Variants in PPFIA2 observed in about 807,000 individuals in gnomAD.
PPFIA2 encodes the protein liprin-alpha-2.
In PPFIA2, 46 loss-of-function variants were observed where a neutral mutation model predicts 175.5. That is an observed-to-expected ratio of 0.26 (90% CI 0.21 to 0.34). The LOEUF (loss-of-function observed/expected upper bound fraction) is 0.34. Among genes scored for constraint, PPFIA2 ranks in the 10% least tolerant of loss-of-function variants. PPFIA2 has a pLI of 1.00. For synonymous variants in PPFIA2, 568 were observed against 511.4 expected (o/e 1.11, Z -1.49); for missense variants, 1,179 against 1,506.1 (o/e 0.78, Z 3.60).
chr12:81,271,302 C>G (rs926676903), intron 28 of PPFIA2, among the ~76,000 whole-genome samples: 1 of 152,186 alleles, frequency 6.6e-6, no homozygotes. Context: ...CTCAGTCTCA[C>G]TCTTGTTGCC....
rs201537242 is a variant in PPFIA2 at position 81,570,701 on chromosome 12, T to TA, written c.303+106089dup. On this transcript the variant is annotated intron_variant, in intron 4 of 32. Coordinates refer to ENST00000549396, the MANE Select transcript of PPFIA2 (RefSeq NM_003625.5). ...TTTAAAAAATAATTTTATAATTACA[T>TA]AAAAATATAATATTTTATAATATAT... 8.1e-3 allele frequency among the ~76,000 whole-genome samples: 1,206 copies of TA among 148,772 alleles called. 20 individuals carry two copies. Among genetic ancestry groups the TA allele is most frequent in the African/African-American group, 0.028 (1,148 of 40,982 alleles).
intron 3 of PPFIA2, among the ~76,000 whole-genome samples, chr12:81,692,670 A>G (rs1361086110): frequency 1.3e-5 from 2 of 152,134 alleles, no homozygotes; most frequent in East Asian, 1.9e-4. Context: ...GCGATGTTAG[A>G]AAAACAATAA....
intron 9 of PPFIA2, among the ~76,000 whole-genome samples, chr12:81,378,396 G>A (rs1258322322): frequency 6.6e-6 from 1 of 150,688 alleles, no homozygotes. Context: ...ACATTAAAGT[G>A]CAAACATAAA....
intron 17 of PPFIA2, among the ~76,000 whole-genome samples, chr12:81,349,431 A>G (rs1187797878): frequency 6.6e-6 from 1 of 152,184 alleles, no homozygotes; most frequent in Non-Finnish European, 1.5e-5. Flanking sequence ...TTACTCTCAA[A>G]GTTTATTTTC....
At chr12:81,500,671 A>C (rs2060498472) in intron 4 of PPFIA2, among the ~76,000 whole-genome samples, 1 of 152,170 alleles carries the variant, frequency 6.6e-6, no homozygotes, top group Non-Finnish European at 1.5e-5. Context: ...TTTTTGTGTT[A>C]TTTGGGTATT....
chr12:81,517,751 C>T (rs11114904), intron 4 of PPFIA2, among the ~76,000 whole-genome samples: 2 of 152,052 alleles, frequency 1.3e-5, no homozygotes, highest in Admixed American at 6.6e-5. Context: ...AACACAGAAA[C>T]GTTGGTTAGT....
At chr12:81,408,405 T>C (rs2043303988) in intron 7 of PPFIA2, among the ~76,000 whole-genome samples, 1 of 152,164 alleles carries the variant, frequency 6.6e-6, no homozygotes, top group South Asian at 2.1e-4. Context: ...ATATGCTTTG[T>C]TCTATTATTA....
At chr12:81,387,314 C>T (rs994559558) in intron 8 of PPFIA2, among the ~76,000 whole-genome samples, 1 of 152,048 alleles carries the variant, frequency 6.6e-6, no homozygotes, top group Non-Finnish European at 1.5e-5. Flanking sequence ...CTTCATTACC[C>T]CCTTAAGCCC....
intron 17 of PPFIA2, 121 bp from the exon 18 acceptor site, chr12:81,347,891 A>G: frequency 7.3e-7 from 1 of 1,361,480 alleles, no homozygotes; most frequent in South Asian, 1.6e-5. Context: ...AACATTTTAC[A>G]TCAAATCTAA....
intron 4 of PPFIA2, among the ~76,000 whole-genome samples, chr12:81,635,963 T>C (rs553205917): frequency 1.3e-5 from 2 of 152,292 alleles, no homozygotes; most frequent in South Asian, 4.1e-4. Context: ...GTTTGAATTT[T>C]AGAAACAAAG....
chr12:81,491,519 T>C (rs2059415459), intron 4 of PPFIA2, among the ~76,000 whole-genome samples: 1 of 151,718 alleles, frequency 6.6e-6, no homozygotes, highest in Non-Finnish European at 1.5e-5. Flanking sequence ...GAATTTGAGG[T>C]GGGGCCTTTG....
At chr12:81,661,282 G>C (rs953233027) in intron 4 of PPFIA2, among the ~76,000 whole-genome samples, 1 of 152,198 alleles carries the variant, frequency 6.6e-6, no homozygotes, top group Non-Finnish European at 1.5e-5. Context: ...AGACCCATCT[G>C]TGTACTGTAT....
At chr12:81,466,885 T>C (rs1260032990) in intron 4 of PPFIA2, among the ~76,000 whole-genome samples, 2 of 147,166 alleles carry the variant, frequency 1.4e-5, no homozygotes, top group African/African-American at 4.9e-5. Flanking sequence ...ATATATAATA[T>C]ATTATATTAA....
rs768450384 is a variant in PPFIA2 at position 81,263,406 on chromosome 12, T to C, written c.3556-16A>G. On this transcript the variant is annotated splice_polypyrimidine_tract_variant and intron_variant, in intron 30 of 32. Coordinates refer to ENST00000549396, the MANE Select transcript of PPFIA2 (RefSeq NM_003625.5). ...TGTCATCACTCTGCCAGTACAGTTA[T>C]AAGGTGATGTTATGAAAACAAGTAA... is the stretch of plus-strand genomic sequence containing the variant. 15 of 1,606,652 alleles carry C rather than the reference T, an allele frequency of 9.3e-6. No individual in the cohort carries two copies. The African/African-American group carries it at 1.5e-4, about 16-fold the overall frequency.
intron 4 of PPFIA2, among the ~76,000 whole-genome samples, chr12:81,640,671 C>T (rs1227570502): frequency 6.6e-6 from 1 of 151,576 alleles, no homozygotes; most frequent in African/African-American, 2.4e-5. Context: ...TAATTTCAAG[C>T]GAGTTTTTCC....
intron 12 of PPFIA2, 121 bp from the exon 13 acceptor site, chr12:81,368,977 A>G (rs1378632264): frequency 2.5e-5 from 33 of 1,330,174 alleles, no homozygotes; most frequent in Non-Finnish European, 3.4e-5. Context: ...TGGTGGAAAC[A>G]TTTTATTCAA....
chr12:81,334,191 C>T (rs1594969863), intron 21 of PPFIA2, among the ~76,000 whole-genome samples: 1 of 152,180 alleles, frequency 6.6e-6, no homozygotes, highest in Non-Finnish European at 1.5e-5. Flanking sequence ...TGCATGATCA[C>T]AGATCTTAGG....
intron 3 of PPFIA2, among the ~76,000 whole-genome samples, chr12:81,743,446 CTT>C (rs1410359851): frequency 4.8e-5 from 2 of 41,970 alleles, no homozygotes; most frequent in Non-Finnish European, 1.0e-4. Flanking sequence ...AAAAAAAAAA[CTT>C]TTGCTGTAAA....
chr12:81,532,967 A>ATT (rs5799537), intron 4 of PPFIA2, among the ~76,000 whole-genome samples: 46,712 of 150,806 alleles, frequency 0.31, 7,469 homozygotes, highest in African/African-American at 0.39. Context: ...ATATCATTTA[A>ATT]TTTTTTTTTG....
Sources: gnomAD v4.1 joint callset for allele counts (sites outside exome capture counted in the v4.1 genomes callset) on GRCh38, gnomAD v4.1.1 for gene constraint, MANE v1.5 for transcripts, NCBI Gene and HGNC (gene_info 2026-07-23, HGNC 2026-07-21) for gene names.